Variants in NOTCH2 observed in about 807,000 individuals in gnomAD.
NOTCH2 encodes the protein notch receptor 2, also known as neurogenic locus notch homolog protein 2.
Under a neutral mutation model 235.8 loss-of-function variants are expected in NOTCH2, and 29 were observed. That is an observed-to-expected ratio of 0.12 (90% CI 0.09 to 0.17). The LOEUF is 0.17. NOTCH2 is among the 10% of genes least tolerant of loss of function. NOTCH2 has a pLI of 1.00. For synonymous variants in NOTCH2, 1,086 were observed against 1,141.5 expected (o/e 0.95, Z 0.98); for missense variants, 2,285 against 3,150.2 (o/e 0.73, Z 6.57).
rs782769520 is a variant in NOTCH2, at chr1:119,966,520, AAG to A, written c.1454-33_1454-32del. The stretch of plus-strand genomic sequence containing the variant: ...CAAAACAGACCACACAAGTGGCTTA[AAG>A]AGAGAGAAAGGTGTATTCCAGACAA... On this transcript the variant is annotated intron_variant, in intron 8 of 33. Transcript: ENST00000256646. The A allele has an allele frequency of 2.0e-6, 3 of 1,476,722 alleles. No individual in the cohort carries two copies. The Admixed American group carries it at 5.0e-5, about 25-fold the overall frequency. 91.5% of individuals were successfully genotyped at this position (1,476,722 alleles called of 1,614,324 possible). A position where few individuals can be genotyped will look rare whatever the true frequency, so the allele number is the denominator to read the frequency against.
Position 119,914,418 on chromosome 1 carries a change from CTT to C in NOTCH2, c.*886_*887del, listed in dbSNP as rs1648993091. On this transcript the variant is annotated 3_prime_UTR_variant, in exon 34 of 34. Transcript: ENST00000256646. ...AGTAACTAGACTATCAAGGATAAAA[CTT>C]TACACTGACCAGGCCCATACACAGA... 8.6e-6 allele frequency: 2 copies of C among 233,156 alleles called. No homozygotes were observed. Among genetic ancestry groups the C allele is most frequent in the Non-Finnish European group, 1.7e-5 (2 of 118,004 alleles). The allele number at this position is 233,156 out of a possible 1,614,324, so 14.4% of individuals were successfully genotyped here. A position where few individuals can be genotyped will look rare whatever the true frequency, so the allele number is the denominator to read the frequency against.
intron 1 of NOTCH2, among the ~76,000 whole-genome samples, chr1:120,037,200 G>C (rs1257305215): frequency 2.0e-5 from 3 of 151,952 alleles, no homozygotes; most frequent in Non-Finnish European, 4.4e-5. Flanking sequence ...CGTCTTGACT[G>C]TCTGAGGCTC....
chr1:119,961,302 T>C (rs587703033), intron 11 of NOTCH2, among the ~76,000 whole-genome samples: 1 of 152,290 alleles, frequency 6.6e-6, no homozygotes, highest in East Asian at 1.9e-4. Flanking sequence ...AGTGGATACC[T>C]TTAGGAGATG....
intron 23 of NOTCH2, among the ~76,000 whole-genome samples, chr1:119,927,967 T>A (rs587664724): frequency 6.6e-6 from 1 of 152,288 alleles, no homozygotes; most frequent in South Asian, 2.1e-4. Context: ...TTCAGCTTGA[T>A]GAATTGTTTG....
chr1:120,037,174 T>G (rs150866684), intron 1 of NOTCH2, among the ~76,000 whole-genome samples: 2 of 152,220 alleles, frequency 1.3e-5, no homozygotes, highest in East Asian at 3.9e-4. Context: ...CACTGCTCAA[T>G]CGGAAGGTAT....
intron 11 of NOTCH2, among the ~76,000 whole-genome samples, chr1:119,961,365 A>AC (rs2101133388): frequency 6.6e-6 from 1 of 152,046 alleles, no homozygotes; most frequent in East Asian, 1.9e-4. Flanking sequence ...AGAAGGCAGC[A>AC]CCCCCTCCCA....
chr1:119,924,949 G>A (rs1465863853), intron 25 of NOTCH2, among the ~76,000 whole-genome samples: 1 of 152,232 alleles, frequency 6.6e-6, no homozygotes, highest in African/African-American at 2.4e-5. Flanking sequence ...CTTAGGGAAA[G>A]GAATGGGGTG....
rs1649453801 is a variant in NOTCH2, at chr1:119,925,769, C to T, written c.4047G>A (p.Val1349=). 2.5e-6 allele frequency: 4 copies of T among 1,614,158 alleles called. 1 individual carries two copies. The highest frequency in any genetic ancestry group is 3.4e-6 in the Non-Finnish European group (4 of 1,180,038). Residue 1349 remains valine, a synonymous_variant, in exon 25 of 34, where the codon GTG becomes GTA. Coordinates refer to ENST00000256646, the MANE Select transcript of NOTCH2 (RefSeq NM_024408.4). ...GARCQSSCGQ[V]KCRKGEQCVH... ...CACACTGCTCCCCCTTCCTACATTT[C>T]ACTTGTCCACAGCTGCTCTGGCACC...
chr1:119,914,919 C>T lies in NOTCH2; in HGVS notation c.*387G>A, dbSNP rs587722611. The T allele has an allele frequency of 1.2e-4, 47 of 380,996 alleles. No homozygotes were observed. In the East Asian group the frequency reaches 1.4e-3, roughly 11 times the overall value. The allele number at this position is 380,996 out of a possible 1,614,324, so 23.6% of individuals were successfully genotyped here. A position where few individuals can be genotyped will look rare whatever the true frequency, so the allele number is the denominator to read the frequency against. On this transcript the variant is annotated 3_prime_UTR_variant, in exon 34 of 34. Transcript: ENST00000256646. Reference sequence around the variant, plus strand: ...CAGAATTCCAGGGCATAATTCCCAACAGGACGCTAGTGTAGAATCTTCTCA... The same window carrying T: ...CAGAATTCCAGGGCATAATTCCCAATAGGACGCTAGTGTAGAATCTTCTCA...
Position 119,953,572 on chromosome 1 carries a change from T to TA in NOTCH2, c.2335dup (p.Tyr779LeufsTer10). On this transcript the variant is annotated frameshift_variant, in exon 14 of 34. Transcript: ENST00000256646. LOFTEE classifies it high-confidence loss of function. ...AAAGCCCTTCTTGCAAGTACACCTG[T>TA]ATCCATTCACCAGATTGTCACAAGT... The TA allele has an allele frequency of 6.2e-7, 1 of 1,614,214 alleles. No individual in the cohort carries two copies. The highest frequency in any genetic ancestry group is 8.5e-7 in the Non-Finnish European group (1 of 1,180,022).
Position 119,918,509 on chromosome 1 carries a change from A to C in NOTCH2, c.5826T>G (p.Asn1942Lys). The C allele has an allele frequency of 6.2e-7, 1 of 1,614,124 alleles. No individual in the cohort carries two copies. Among genetic ancestry groups the C allele is most frequent in the Non-Finnish European group, 8.5e-7 (1 of 1,180,016 alleles). Reference protein sequence around the residue: ...NRVTDLDARMNDGTTPLILAA... With the variant: ...NRVTDLDARMKDGTTPLILAA... ...CCAGGATCAGGGGTGTAGTACCATC[A>C]TTCATCCTGGCATCTAGATCAGTTA... Residue 1942 changes from asparagine (N) to lysine (K), a missense_variant, in exon 32 of 34, where the codon AAT becomes AAG. By Grantham distance (94) the Asn-to-Lys change is moderately conservative. Transcript: ENST00000256646.
chr1:119,916,329 C>T lies in NOTCH2; in HGVS notation c.6393G>A (p.Arg2131=), dbSNP rs768305660. ...KEAKDAKGSR[R]KKSLSEKVQL... Reference sequence around the variant, plus strand: ...GGACCTTCTCACTCAGAGACTTCTTCCTCCTACTACCCTTGGCATCCTTTG... The same window carrying T: ...GGACCTTCTCACTCAGAGACTTCTTTCTCCTACTACCCTTGGCATCCTTTG... Residue 2131 remains arginine (R), a synonymous_variant, in exon 34 of 34, where the codon AGG becomes AGA. Coordinates refer to ENST00000256646, the MANE Select transcript of NOTCH2 (RefSeq NM_024408.4). 72 of 1,614,078 alleles carry T rather than the reference C, an allele frequency of 4.5e-5. No homozygotes were observed. The highest frequency in any genetic ancestry group is 6.0e-5 in the Non-Finnish European group (71 of 1,180,050).
chr1:120,001,678 T>G (rs1159717727), intron 3 of NOTCH2, among the ~76,000 whole-genome samples: 1 of 152,192 alleles, frequency 6.6e-6, no homozygotes, highest in East Asian at 1.9e-4. Context: ...CTTACTGGAA[T>G]AGACACTTAC....
intron 1 of NOTCH2, among the ~76,000 whole-genome samples, chr1:120,058,505 CA>C (rs4020835): frequency 3.0e-5 from 4 of 135,308 alleles, no homozygotes; most frequent in African/African-American, 8.5e-5. Flanking sequence ...AACTCCAACT[CA>C]AAAAAAAAGA....
intron 17 of NOTCH2, among the ~76,000 whole-genome samples, chr1:119,943,464 C>T (rs1650138906): frequency 6.6e-6 from 1 of 152,086 alleles, no homozygotes; most frequent in Non-Finnish European, 1.5e-5. Flanking sequence ...TCCTGAGGGA[C>T]CCCTGTTGTA....
In NOTCH2 at chr1:119,920,274, C is replaced by A. The variant is rs1421138915; in HGVS notation, c.5434G>T (p.Ala1812Ser). The A allele has an allele frequency of 2.5e-6, 4 of 1,614,174 alleles. No individual in the cohort carries two copies. The highest frequency in any genetic ancestry group is 3.4e-6 in the Non-Finnish European group (4 of 1,180,026). ...TCTAACACATCCACCTCCTGCTCTG[C>A]CTGAGGAGGGGTGAGAGCCAGCGAT... ...TPSLALTPPQ[A>S]EQEVDVLDVN... The change falls in exon 30 of 34, where the codon GCA (alanine) becomes TCA (serine). Residue 1812 changes from alanine (A) to serine (S), a missense_variant. Transcript: ENST00000256646.
chr1:120,029,239 T>G (rs1331088846), intron 2 of NOTCH2, among the ~76,000 whole-genome samples: 1 of 150,666 alleles, frequency 6.6e-6, no homozygotes, highest in Non-Finnish European at 1.5e-5. Context: ...AAAGTTGATA[T>G]CTATTTGGTT....
chr1:119,959,234 G>A (rs893209097), intron 12 of NOTCH2, among the ~76,000 whole-genome samples, 158 bp downstream of exon 12: 1 of 152,194 alleles, frequency 6.6e-6, no homozygotes, highest in Non-Finnish European at 1.5e-5. Context: ...GAAAAGGTCT[G>A]TGAACAGAAA....
rs376191548 is a variant in NOTCH2 at position 119,915,798 on chromosome 1, C to T, written c.6924G>A (p.Gln2308=). Residue 2308 remains glutamine (Q), a synonymous_variant, in exon 34 of 34, where the codon CAG becomes CAA. Coordinates refer to ENST00000256646, the MANE Select transcript of NOTCH2 (RefSeq NM_024408.4). ...REPLPPIVTF[Q]LIPKGSIAQP... is the part of the protein sequence containing the mutation. ...GGGCAATACTGCCTTTAGGGATGAGCTGGAAAGTCACAATGGGGGGCAAGG... is the reference window on the plus strand; with the variant it reads ...GGGCAATACTGCCTTTAGGGATGAGTTGGAAAGTCACAATGGGGGGCAAGG... 3.4e-4 allele frequency: 541 copies of T among 1,612,586 alleles called. 9 individuals carry two copies. The South Asian group carries it at 5.6e-3, about 17-fold the overall frequency.
Sources: gnomAD v4.1 joint callset for allele counts (sites outside exome capture counted in the v4.1 genomes callset) on GRCh38, gnomAD v4.1.1 for gene constraint, MANE v1.5 for transcripts, NCBI Gene and HGNC (gene_info 2026-07-23, HGNC 2026-07-21) for gene names.